The following PARD3B variants were observed in gnomAD, a reference collection of about 807,000 sequenced individuals.
PARD3B encodes the protein par-3 family cell polarity regulator beta.
A neutral mutation model predicts 130.2 loss-of-function variants in PARD3B; 103 were observed. The observed-to-expected ratio is 0.79, with a 90% CI of 0.67 to 0.93. PARD3B has a LOEUF of 0.93. Ranked by LOEUF, PARD3B falls within the 40% of genes least tolerant of loss-of-function variation. The pLI, the probability that PARD3B is intolerant of heterozygous loss-of-function variation, is 0.00. For synonymous variants in PARD3B, 583 were observed against 553.2 expected, an observed-to-expected ratio of 1.05 and a Z score of -0.76; for missense variants, 1,609 against 1,499.2, an observed-to-expected ratio of 1.07 and a Z score of -1.21.
chr2:205,219,049 C>G (rs1217176484), intron 15 of PARD3B, among the ~76,000 whole-genome samples: 2 of 151,262 alleles, frequency 1.3e-5, no homozygotes, highest in Non-Finnish European at 2.9e-5. Flanking sequence ...CACTGCACTA[C>G]AGCCTGGGGG....
Position 205,269,124 on chromosome 2 carries a change from G to A in PARD3B, c.2185+23302G>A, listed in dbSNP as rs1414132135. Among the ~76,000 whole-genome samples, 2 of 152,096 alleles carry A rather than the reference G, an allele frequency of 1.3e-5. No homozygotes were observed. Among genetic ancestry groups the A allele is most frequent in the Admixed American group, 1.3e-4 (2 of 15,270 alleles). Reference sequence around the variant, plus strand: ...GGTCACTTTAGACTTGTTTAAATATGTAAATCACTCAAAACTCAGAATTTT... The same window carrying A: ...GGTCACTTTAGACTTGTTTAAATATATAAATCACTCAAAACTCAGAATTTT... On this transcript the variant is annotated intron_variant, in intron 16 of 22. Coordinates refer to ENST00000406610, the MANE Select transcript of PARD3B (RefSeq NM_001302769.2). The surrounding 1 kb of genome is among the most constrained non-coding windows in gnomAD (Gnocchi z 4.7).
chr2:205,455,504 A>G (rs1358128236), intron 20 of PARD3B, among the ~76,000 whole-genome samples: 3 of 152,040 alleles, frequency 2.0e-5, no homozygotes, highest in Admixed American at 1.3e-4. Flanking sequence ...GAAGTTGGGT[A>G]GGGAATTACA....
chr2:205,337,269 T>C (rs2043348654), intron 18 of PARD3B, among the ~76,000 whole-genome samples: 1 of 152,220 alleles, frequency 6.6e-6, no homozygotes, highest in Non-Finnish European at 1.5e-5. Flanking sequence ...TAAGTAATAA[T>C]AATTTTTGGA....
At chr2:205,286,958 C>A (rs947083880) in intron 16 of PARD3B, among the ~76,000 whole-genome samples, 10 of 152,174 alleles carry the variant, frequency 6.6e-5, no homozygotes, top group African/African-American at 2.4e-4. Context: ...AAGAATGGTC[C>A]TCTCTTCACA....
chr2:205,368,054 G>C (rs570150835), intron 18 of PARD3B, among the ~76,000 whole-genome samples: 302 of 152,296 alleles, frequency 2.0e-3, no homozygotes, highest in African/African-American at 7.0e-3. Flanking sequence ...CCACAGTAAG[G>C]GTGATACGTC....
At chr2:204,983,958 C>T (rs985082442) in intron 3 of PARD3B, among the ~76,000 whole-genome samples, 1 of 152,010 alleles carries the variant, frequency 6.6e-6, no homozygotes, top group African/African-American at 2.4e-5. Flanking sequence ...TACCCGTCCC[C>T]TCCTCTGTAT....
At chr2:205,173,328 G>A (rs2035283086) in intron 12 of PARD3B, among the ~76,000 whole-genome samples, 1 of 152,170 alleles carries the variant, frequency 6.6e-6, no homozygotes, top group Admixed American at 6.5e-5. Context: ...GTAGTTAAAA[G>A]CTTCAGCTCT....
chr2:204,586,695 G>A (rs1199182373), intron 1 of PARD3B, among the ~76,000 whole-genome samples: 1 of 152,140 alleles, frequency 6.6e-6, no homozygotes, highest in Non-Finnish European at 1.5e-5. Flanking sequence ...ATACCCACAA[G>A]GATGGTTTGG....
rs1307223758 is a variant in PARD3B at position 204,906,491 on chromosome 2, C to T, written c.223-58661C>T. Among the ~76,000 whole-genome samples the T allele has an allele frequency of 6.6e-6, 1 of 152,098 alleles. No individual in the cohort carries two copies. The highest frequency in any genetic ancestry group is 2.1e-4 in the South Asian group (1 of 4,822). On this transcript the variant is annotated intron_variant, in intron 2 of 22. Coordinates refer to ENST00000406610, the MANE Select transcript of PARD3B (RefSeq NM_001302769.2). This position sits in a 1 kb window ranked among gnomAD's most constrained non-coding sequence, Gnocchi z 4.3. Reference sequence around the variant, plus strand: ...CCAGTTATATATATGGGCAGTAGACCTTATTATTAACTAGAGAACACATGG... The same window carrying T: ...CCAGTTATATATATGGGCAGTAGACTTTATTATTAACTAGAGAACACATGG...
intron 2 of PARD3B, among the ~76,000 whole-genome samples, chr2:204,729,998 AACACACACAC>A (rs3036396): frequency 0.017 from 2,456 of 141,456 alleles, 76 homozygotes; most frequent in African/African-American, 0.06. Context: ...CACACACACA[AACACACACAC>A]ACACACACAC....
intron 2 of PARD3B, among the ~76,000 whole-genome samples, chr2:204,707,913 G>C (rs2038254494): frequency 1.3e-5 from 2 of 152,194 alleles, no homozygotes; most frequent in East Asian, 1.9e-4. Context: ...GCTCTACCCA[G>C]AGGCGGCCAC....
intron 22 of PARD3B, among the ~76,000 whole-genome samples, chr2:205,578,351 A>G (rs538552441): frequency 6.6e-6 from 1 of 152,346 alleles, no homozygotes; most frequent in Admixed American, 6.5e-5. Flanking sequence ...TACCATGACC[A>G]TGCACATTTA....
At chr2:204,691,675 TATATTA>T (rs1448465234) in intron 2 of PARD3B, among the ~76,000 whole-genome samples, 2 of 152,124 alleles carry the variant, frequency 1.3e-5, no homozygotes, top group Non-Finnish European at 2.9e-5. Context: ...CAAATGCTGT[TATATTA>T]ATGATACTAT....
intron 4 of PARD3B, among the ~76,000 whole-genome samples, chr2:205,094,240 T>C (rs1702274008): frequency 6.6e-6 from 1 of 152,176 alleles, no homozygotes; most frequent in South Asian, 2.1e-4. Flanking sequence ...CAAAGTGAAA[T>C]GCAAGAATGA....
chr2:205,126,995 A>G (rs375220360), intron 10 of PARD3B, among the ~76,000 whole-genome samples: 12 of 151,974 alleles, frequency 7.9e-5, no homozygotes, highest in African/African-American at 2.7e-4. Flanking sequence ...GCTTTTAAGA[A>G]TGCTATAGAA....
At chr2:205,182,545 G>A (rs1416150255) in intron 13 of PARD3B, among the ~76,000 whole-genome samples, 1 of 151,132 alleles carries the variant, frequency 6.6e-6, no homozygotes, top group East Asian at 1.9e-4. Context: ...CGAGGAGAAA[G>A]TTATCTACAG....
chr2:204,600,787 T>G (rs2125104980), intron 1 of PARD3B, among the ~76,000 whole-genome samples: 1 of 152,026 alleles, frequency 6.6e-6, no homozygotes, highest in Non-Finnish European at 1.5e-5. Context: ...CTTTCCATCA[T>G]TGACTAGCCT....
At chr2:205,243,914 A>G (rs934541689) in intron 15 of PARD3B, among the ~76,000 whole-genome samples, 1 of 152,214 alleles carries the variant, frequency 6.6e-6, no homozygotes, top group African/African-American at 2.4e-5. Context: ...ATGAGTTCCT[A>G]TGGTTATTTT....
intron 20 of PARD3B, among the ~76,000 whole-genome samples, chr2:205,499,285 A>T (rs1205196354): frequency 6.6e-6 from 1 of 151,574 alleles, no homozygotes; most frequent in East Asian, 1.9e-4. Context: ...TTGGATTAGC[A>T]CGTTCTACTC....
Sources: allele counts gnomAD v4.1 joint callset (sites outside exome capture counted in the v4.1 genomes callset), GRCh38; gene constraint gnomAD v4.1.1; non-coding constraint Gnocchi (gnomAD v3.1); transcripts MANE v1.5; gene names NCBI Gene and HGNC (gene_info 2026-07-23, HGNC 2026-07-21).